BRWD3: variants seen among roughly 807,000 people sequenced by gnomAD.
The protein encoded by BRWD3 is bromodomain and WD repeat domain containing 3, also known as bromodomain and WD repeat-containing protein 3.
BRWD3 carries 10 observed loss-of-function variants against 149.7 expected under a neutral mutation model. That is an observed-to-expected ratio of 0.07 (90% CI 0.04 to 0.11). The LOEUF is 0.11. Ranked by LOEUF, BRWD3 falls within the 10% of genes least tolerant of loss-of-function variation. BRWD3 has a pLI of 1.00. For synonymous variants in BRWD3, 504 were observed against 456.7 expected, an observed-to-expected ratio of 1.10 and a Z score of -1.32; for missense variants, 940 against 1,373.2, an observed-to-expected ratio of 0.68 and a Z score of 4.99.
rs942967086 is a variant in BRWD3 at position 80,718,318 on chromosome X, T to C, written c.2045-559A>G. Among the ~76,000 whole-genome samples, 4 of 112,214 alleles carry C rather than the reference T, an allele frequency of 3.6e-5. No homozygotes were observed. The East Asian group carries it at 1.1e-3, about 31-fold the overall frequency. On this transcript the variant is annotated intron_variant, in intron 18 of 40. Transcript: ENST00000373275. ...AAGGTTCATGTTATTTTTCTTATATTTACAAATAAAACACAAATGGAAACT... is the reference window on the plus strand; with the variant it reads ...AAGGTTCATGTTATTTTTCTTATATCTACAAATAAAACACAAATGGAAACT...
rs199948186 is a variant in BRWD3 at position 80,724,978 on chromosome X, A to G, written c.1476T>C (p.Ile492=). Residue 492 remains isoleucine, a synonymous_variant, in exon 15 of 41, where the codon ATT becomes ATC. Coordinates refer to ENST00000373275, the MANE Select transcript of BRWD3 (RefSeq NM_153252.5). ...LSAGHDGNIF[I]WDLDRGTKIR... ...TTTTGGTCCCCCGGTCAAGGTCCCA[A>G]ATAAAAATGTTCCCATCATGACCTG... The G allele has an allele frequency of 3.3e-6, 4 of 1,208,607 alleles. No homozygotes were observed. In the African/African-American group the frequency reaches 5.3e-5, roughly 16 times the overall value.
intron 8 of BRWD3, among the ~76,000 whole-genome samples, chrX:80,737,322 T>C (rs2073418287): frequency 8.9e-6 from 1 of 111,843 alleles, no homozygotes. Flanking sequence ...TCTAGATTAC[T>C]GATAATACCT....
At chrX:80,806,876 G>A (rs2074352872) in intron 4 of BRWD3, among the ~76,000 whole-genome samples, 1 of 112,269 alleles carries the variant, frequency 8.9e-6, no homozygotes, top group African/African-American at 3.2e-5. Flanking sequence ...AAACTGGGTT[G>A]TTGGGGTTTT....
At chrX:80,739,145 T>C (rs939751812) in intron 8 of BRWD3, among the ~76,000 whole-genome samples, 1 of 111,478 alleles carries the variant, frequency 9.0e-6, no homozygotes, top group Admixed American at 9.5e-5. Flanking sequence ...AGGACAGCAA[T>C]AACAGAGGTC....
At chrX:80,685,824 G>A (rs2072513955) in intron 35 of BRWD3, among the ~76,000 whole-genome samples, 1 of 111,591 alleles carries the variant, frequency 9.0e-6, no homozygotes, top group African/African-American at 3.3e-5. Flanking sequence ...AGTATACAGA[G>A]AAGACCAATG....
chrX:80,703,441 G>C (rs2072818756), intron 24 of BRWD3, 39 bp downstream of exon 24: 1 of 933,164 alleles, frequency 1.1e-6, no homozygotes, highest in African/African-American at 2.0e-5. Context: ...TAGTGCTCTT[G>C]AGGCTCCACA....
At chrX:80,783,907 G>A (rs972365013) in intron 6 of BRWD3, among the ~76,000 whole-genome samples, 1 of 111,174 alleles carries the variant, frequency 9.0e-6, no homozygotes, top group African/African-American at 3.3e-5. Context: ...CAGAATGATG[G>A]TTACCAGAGG....
chrX:80,713,464 TG>T (rs1241701710), intron 20 of BRWD3, among the ~76,000 whole-genome samples: 9 of 110,979 alleles, frequency 8.1e-5, no homozygotes, highest in Non-Finnish European at 1.1e-4. Context: ...GTGCAAGATG[TG>T]CTTTGTTAAA....
At chrX:80,738,460 TA>T (rs1043161346) in intron 8 of BRWD3, among the ~76,000 whole-genome samples, 22 of 111,156 alleles carry the variant, frequency 2.0e-4, no homozygotes, top group African/African-American at 6.9e-4. Flanking sequence ...TATATTTTGT[TA>T]AAAAAAATAC....
intron 6 of BRWD3, among the ~76,000 whole-genome samples, chrX:80,747,936 T>G (rs2147795153): frequency 8.9e-6 from 1 of 111,977 alleles, no homozygotes; most frequent in South Asian, 3.7e-4. Flanking sequence ...TCATTTTCAT[T>G]TGTTTCTTTC....
At chrX:80,794,064 G>A (rs1468684150) in intron 4 of BRWD3, among the ~76,000 whole-genome samples, 1 of 111,058 alleles carries the variant, frequency 9.0e-6, no homozygotes, top group Non-Finnish European at 1.9e-5. Context: ...TGTAATCCCC[G>A]TTACTCAGGA....
intron 6 of BRWD3, among the ~76,000 whole-genome samples, chrX:80,754,581 C>T (rs1257920732): frequency 8.9e-6 from 1 of 112,155 alleles, no homozygotes; most frequent in Non-Finnish European, 1.9e-5. Context: ...TTGTCTTGCT[C>T]CAGTTCTTAG....
At position 80,670,008 on chromosome X, in the gene BRWD3, T is replaced by TA. The variant is rs2147659893; in HGVS notation, c.*6600dup. The stretch of plus-strand genomic sequence containing the variant: ...AACTGTTAAAACTAGATGTCTAGAA[T>TA]AATTAAAATTATAAGATTTTATAAT... On this transcript the variant is annotated 3_prime_UTR_variant, in exon 41 of 41. Transcript: ENST00000373275. Among the ~76,000 whole-genome samples, 2 of 110,908 alleles carry TA rather than the reference T, an allele frequency of 1.8e-5. No homozygotes were observed. Among genetic ancestry groups the TA allele is most frequent in the Non-Finnish European group, 3.8e-5 (2 of 52,892 alleles).
intron 6 of BRWD3, among the ~76,000 whole-genome samples, chrX:80,768,185 AC>A (rs766698239): frequency 9.0e-6 from 1 of 111,646 alleles, no homozygotes; most frequent in Non-Finnish European, 1.9e-5. Context: ...AACTTCCCCA[AC>A]CTAGCAAGGC....
intron 6 of BRWD3, among the ~76,000 whole-genome samples, chrX:80,766,781 G>A (rs988072487): frequency 5.3e-5 from 6 of 112,229 alleles, no homozygotes; most frequent in South Asian, 3.7e-4. Context: ...TGCAGCCCTC[G>A]GAGGGCGAGT....
At chrX:80,679,077 C>A (rs1229474571) in intron 40 of BRWD3, among the ~76,000 whole-genome samples, 1 of 111,846 alleles carries the variant, frequency 8.9e-6, no homozygotes, top group Non-Finnish European at 1.9e-5. Flanking sequence ...TATCAGATAC[C>A]CACCCATATG....
chrX:80,704,637 CA>C, intron 23 of BRWD3, 40 bp downstream of exon 23: 1 of 1,162,677 alleles, frequency 8.6e-7, no homozygotes, highest in Non-Finnish European at 1.2e-6. Flanking sequence ...AGGCAAAAAA[CA>C]AAAAATAACA....
chrX:80,702,559 T>C (rs2072806290), intron 24 of BRWD3, among the ~76,000 whole-genome samples: 1 of 112,576 alleles, frequency 8.9e-6, no homozygotes, highest in African/African-American at 3.2e-5. Context: ...AGAAAATATT[T>C]ATTAACATAA....
At position 80,670,116 on chromosome X, in the gene BRWD3, A is replaced by G. The variant is rs908961443; in HGVS notation, c.*6493T>C. ...TGGCAAAGAAAAATCTATTAAAGTT[A>G]CATAGAAAGGAAAGGAAAATGTTTC... On this transcript the variant is annotated 3_prime_UTR_variant, in exon 41 of 41. Transcript: ENST00000373275. Among the ~76,000 whole-genome samples the G allele has an allele frequency of 1.8e-5, 2 of 111,650 alleles. No homozygotes were observed. The highest frequency in any genetic ancestry group is 3.8e-5 in the Non-Finnish European group (2 of 53,134).
Sources: gnomAD v4.1 joint callset for allele counts (sites outside exome capture counted in the v4.1 genomes callset) on GRCh38, gnomAD v4.1.1 for gene constraint, MANE v1.5 for transcripts, NCBI Gene and HGNC (gene_info 2026-07-23, HGNC 2026-07-21) for gene names.